NCOA1: variants seen among roughly 807,000 people sequenced by gnomAD.
NCOA1 encodes the protein Hin-2 protein.
A neutral mutation model predicts 150.9 loss-of-function variants in NCOA1; 35 were observed. The observed-to-expected ratio is 0.23, with a 90% CI of 0.18 to 0.31. The LOEUF (loss-of-function observed/expected upper bound fraction) is 0.31. Among genes scored for constraint, NCOA1 ranks in the 10% least tolerant of loss-of-function variants. The pLI, the probability that NCOA1 is intolerant of heterozygous loss-of-function variation, is 1.00. For missense variants in NCOA1, 1,491 were observed against 1,749.3 expected, an observed-to-expected ratio of 0.85 and a Z score of 2.63; for synonymous variants, 590 against 630.0, an observed-to-expected ratio of 0.94 and a Z score of 0.95.
intron 1 of NCOA1, among the ~76,000 whole-genome samples, chr2:24,502,570 G>T (rs1403880586): frequency 1.3e-5 from 2 of 152,164 alleles, no homozygotes; most frequent in African/African-American, 4.8e-5. Flanking sequence ...TCAAGATAAA[G>T]TTGTTCCTTA....
intron 17 of NCOA1, among the ~76,000 whole-genome samples, chr2:24,733,781 A>G (rs887855665): frequency 1.3e-5 from 2 of 152,282 alleles, no homozygotes; most frequent in Non-Finnish European, 2.9e-5. Context: ...CAGAAAATCC[A>G]AAAGAATCTA....
At chr2:24,764,336 T>A (rs6759752) in intron 22 of NCOA1, among the ~76,000 whole-genome samples, 16 of 152,122 alleles carry the variant, frequency 1.1e-4, no homozygotes. Context: ...TAAACTGTCA[T>A]AAAACCAAAG....
intron 20 of NCOA1, among the ~76,000 whole-genome samples, chr2:24,752,530 G>A (rs1476966151): frequency 6.6e-6 from 1 of 152,200 alleles, no homozygotes; most frequent in Non-Finnish European, 1.5e-5. Flanking sequence ...TGACAGTACA[G>A]AAAAGTGATC....
intron 11 of NCOA1, among the ~76,000 whole-genome samples, chr2:24,702,968 A>G (rs933196248): frequency 6.6e-6 from 1 of 152,232 alleles, no homozygotes; most frequent in Non-Finnish European, 1.5e-5. Context: ...GTTGCCATAA[A>G]TAGTGTCTAG....
intron 1 of NCOA1, among the ~76,000 whole-genome samples, chr2:24,517,036 T>G (rs1369015848): frequency 1.3e-5 from 1 of 77,246 alleles, no homozygotes; most frequent in Non-Finnish European, 3.2e-5. Flanking sequence ...ACACCCCATT[T>G]TGTTTAGACT....
At chr2:24,652,456 T>C (rs1367361071) in intron 4 of NCOA1, among the ~76,000 whole-genome samples, 1 of 152,180 alleles carries the variant, frequency 6.6e-6, no homozygotes, top group East Asian at 1.9e-4. Flanking sequence ...TCTCACTATA[T>C]ATAAATGCTT....
chr2:24,595,376 A>C (rs1667844842), intron 3 of NCOA1, among the ~76,000 whole-genome samples: 1 of 152,108 alleles, frequency 6.6e-6, no homozygotes, highest in South Asian at 2.1e-4. Flanking sequence ...GAGGCTCATT[A>C]AATCTGATAT....
chr2:24,566,579 A>C (rs1666517414), intron 2 of NCOA1, among the ~76,000 whole-genome samples: 4 of 151,904 alleles, frequency 2.6e-5, no homozygotes, highest in Admixed American at 2.0e-4. Flanking sequence ...ATTCCAGTCC[A>C]CAGGACTGGC....
chr2:24,738,239 G>A (rs146515095), intron 17 of NCOA1, among the ~76,000 whole-genome samples: 87 of 151,516 alleles, frequency 5.7e-4, no homozygotes, highest in African/African-American at 1.8e-3. Flanking sequence ...TAAAACTTTC[G>A]TAGGCTTTCT....
intron 3 of NCOA1, among the ~76,000 whole-genome samples, chr2:24,628,368 T>C (rs901425095): frequency 6.6e-6 from 1 of 152,140 alleles, no homozygotes; most frequent in African/African-American, 2.4e-5. Context: ...CATGGGTTTG[T>C]ATAGAAAAAT....
chr2:24,744,126 A>G (rs1307469183), intron 19 of NCOA1, among the ~76,000 whole-genome samples: 1 of 152,186 alleles, frequency 6.6e-6, no homozygotes, highest in East Asian at 1.9e-4. Flanking sequence ...GTGAGCTGAA[A>G]TAATGGAGTG....
rs1013497231 is a variant in NCOA1 at position 24,497,130 on chromosome 2, C to T, written c.-396+5528C>T. Among the ~76,000 whole-genome samples, 5 of 152,038 alleles carry T rather than the reference C, an allele frequency of 3.3e-5. No homozygotes were observed. The East Asian group carries it at 9.6e-4, about 29-fold the overall frequency. Reference sequence around the variant, plus strand: ...AGGCTCAGGGAAGTTAAGTGGCTGGCGTAAGATTGCACAGCTTATAGGTGT... The same window carrying T: ...AGGCTCAGGGAAGTTAAGTGGCTGGTGTAAGATTGCACAGCTTATAGGTGT... On this transcript the variant is annotated intron_variant, in intron 1 of 22. Coordinates refer to ENST00000348332, the MANE Select transcript of NCOA1 (RefSeq NM_003743.5).
chr2:24,538,678 T>C (rs1280514328), intron 1 of NCOA1, among the ~76,000 whole-genome samples: 2 of 152,322 alleles, frequency 1.3e-5, no homozygotes, highest in East Asian at 3.9e-4. Context: ...TAAGTGACTT[T>C]CCAAGACCAG....
At position 24,693,282 on chromosome 2, in the gene NCOA1, G is replaced by A. The variant is rs1672754832; in HGVS notation, c.743G>A (p.Arg248Gln). Residue 248 changes from arginine (R) to glutamine (Q), a missense_variant, in exon 10 of 23, where the codon CGG becomes CAG. Transcript: ENST00000348332. ...CAGTCATGTCTGATTTGTATTGCAC[G>A]GCGATTACCTCGGCCTCCAGCTATT... ...DFQSCLICIA[R>Q]RLPRPPAITG... is the part of the protein sequence containing the mutation. 1.2e-6 allele frequency: 2 copies of A among 1,614,014 alleles called. No homozygotes were observed. Among genetic ancestry groups the A allele is most frequent in the Non-Finnish European group, 1.7e-6 (2 of 1,180,000 alleles).
At chr2:24,648,448 T>A (rs1670571642) in intron 4 of NCOA1, among the ~76,000 whole-genome samples, 1 of 152,120 alleles carries the variant, frequency 6.6e-6, no homozygotes, top group South Asian at 2.1e-4. Context: ...AATTTTTGTA[T>A]TTTTAGTAGA....
At chr2:24,627,035 A>C (rs1425470350) in intron 3 of NCOA1, among the ~76,000 whole-genome samples, 1 of 152,050 alleles carries the variant, frequency 6.6e-6, no homozygotes, top group Non-Finnish European at 1.5e-5. Flanking sequence ...AGGTATACTG[A>C]GTAAAAGAAA....
intron 5 of NCOA1, among the ~76,000 whole-genome samples, chr2:24,664,253 A>G (rs1671312503): frequency 6.6e-6 from 1 of 152,246 alleles, no homozygotes. Context: ...TCAATAATGA[A>G]AGACTTAAAA....
intron 1 of NCOA1, among the ~76,000 whole-genome samples, chr2:24,558,029 A>G (rs1666143639): frequency 6.6e-6 from 1 of 150,586 alleles, no homozygotes; most frequent in Admixed American, 6.6e-5. Flanking sequence ...TTTTGGGAAA[A>G]TTCTTGGCCA....
At chr2:24,706,446 T>A in intron 12 of NCOA1, 122 bp from the exon 13 acceptor site, 1 of 1,147,720 alleles carries the variant, frequency 8.7e-7, no homozygotes, top group Non-Finnish European at 1.2e-6. Flanking sequence ...GTACAGAAGC[T>A]CTTTACTTGA....
Sources: allele counts gnomAD v4.1 joint callset (sites outside exome capture counted in the v4.1 genomes callset), GRCh38; gene constraint gnomAD v4.1.1; transcripts MANE v1.5; gene names NCBI Gene and HGNC (gene_info 2026-07-23, HGNC 2026-07-21).